The following MBNL1 variants were observed in gnomAD, a reference collection of about 807,000 sequenced individuals.
MBNL1 encodes the protein muscleblind-like protein 1.
MBNL1 carries 8 observed loss-of-function variants against 42.2 expected under a neutral mutation model. That is an observed-to-expected ratio of 0.19 (90% CI 0.11 to 0.34). MBNL1 has a LOEUF of 0.34. Ranked by LOEUF, MBNL1 falls within the 10% of genes least tolerant of loss-of-function variation. MBNL1 has a pLI of 1.00. For synonymous variants in MBNL1, 169 were observed against 173.9 expected (o/e 0.97, Z 0.22); for missense variants, 309 against 495.3 (o/e 0.62, Z 3.57).
intron 4 of MBNL1, among the ~76,000 whole-genome samples, chr3:152,444,192 A>C (rs1368136951): frequency 3.3e-5 from 5 of 152,182 alleles, no homozygotes; most frequent in Non-Finnish European, 7.4e-5. Context: ...AGAGCACGAA[A>C]ATATTAAAAG....
chr3:152,390,577 T>C (rs1307804077), intron 2 of MBNL1, among the ~76,000 whole-genome samples: 1 of 151,482 alleles, frequency 6.6e-6, no homozygotes, highest in African/African-American at 2.4e-5. Context: ...TCATTTATTA[T>C]CATGTATTTT....
intron 2 of MBNL1, among the ~76,000 whole-genome samples, chr3:152,376,781 T>TGCGC (rs1553883802): frequency 6.6e-6 from 1 of 151,990 alleles, no homozygotes; most frequent in African/African-American, 2.4e-5. Context: ...TCTATATATA[T>TGCGC]ACGCACACAC....
At chr3:152,295,008 C>CT (rs2057978309) in intron 1 of MBNL1, among the ~76,000 whole-genome samples, 2 of 152,150 alleles carry the variant, frequency 1.3e-5, no homozygotes, top group Admixed American at 6.5e-5. Context: ...CCACAGTGCC[C>CT]TATATCAAGG....
intron 2 of MBNL1, among the ~76,000 whole-genome samples, chr3:152,337,662 T>A (rs2091266154): frequency 6.6e-6 from 1 of 151,672 alleles, no homozygotes; most frequent in African/African-American, 2.4e-5. Flanking sequence ...ACCAACTAAC[T>A]AAATTAGTTA....
At chr3:152,259,967 T>C (rs1286307522) in intron 2 of MBNL1, among the ~76,000 whole-genome samples, 1 of 152,210 alleles carries the variant, frequency 6.6e-6, no homozygotes, top group Non-Finnish European at 1.5e-5. Context: ...ATTTACTTAG[T>C]TGATCATAAT....
chr3:152,340,400 A>G, intron 2 of MBNL1: 1 of 1,118,116 alleles, frequency 8.9e-7, no homozygotes, highest in Non-Finnish European at 1.3e-6. Context: ...TAAGATTGTA[A>G]TGACAATGAC....
At chr3:152,310,871 T>C (rs2065972660) in intron 2 of MBNL1, among the ~76,000 whole-genome samples, 1 of 152,010 alleles carries the variant, frequency 6.6e-6, no homozygotes, top group African/African-American at 2.4e-5. Context: ...AGATAAAGCT[T>C]GGAATTGAGG....
At chr3:152,278,764 T>C (rs1324695089) in intron 1 of MBNL1, among the ~76,000 whole-genome samples, 1 of 152,156 alleles carries the variant, frequency 6.6e-6, no homozygotes, top group Admixed American at 6.6e-5. Context: ...AATTCATCTT[T>C]TGTGTTTTGC....
Position 152,437,809 on chromosome 3 carries a change from T to C in MBNL1, c.549+4889T>C, listed in dbSNP as rs1580471935. ...TTTTTTTTGACACTAAGTCTCACAC[T>C]GTTGCCCAGGCTGGAGTGCGGTGGC... On this transcript the variant is annotated intron_variant, in intron 4 of 9. Transcript: ENST00000324210. Among the ~76,000 whole-genome samples, 4 of 150,254 alleles carry C rather than the reference T, an allele frequency of 2.7e-5. 1 individual carries two copies. In the South Asian group the frequency reaches 8.4e-4, roughly 32 times the overall value.
At chr3:152,384,141 A>G (rs1400267689) in intron 2 of MBNL1, among the ~76,000 whole-genome samples, 1 of 152,130 alleles carries the variant, frequency 6.6e-6, no homozygotes, top group Non-Finnish European at 1.5e-5. Context: ...AGAAGTTTGT[A>G]ATGTTTTATT....
chr3:152,357,894 G>A (rs2095641264), intron 2 of MBNL1, among the ~76,000 whole-genome samples: 1 of 152,156 alleles, frequency 6.6e-6, no homozygotes, highest in African/African-American at 2.4e-5. Context: ...GACATGGATG[G>A]TGGCAGAGAA....
At position 152,358,008 on chromosome 3, in the gene MBNL1, T is replaced by C. The variant is rs541849702; in HGVS notation, c.175-56933T>C. 7.9e-4 allele frequency among the ~76,000 whole-genome samples: 120 copies of C among 152,126 alleles called. No homozygotes were observed. In the South Asian group the frequency reaches 0.019, roughly 24 times the overall value. On this transcript the variant is annotated intron_variant, in intron 2 of 9. Coordinates refer to ENST00000324210, the MANE Select transcript of MBNL1 (RefSeq NM_021038.5). ...AGTTAGAAGGGTGTGTGTGTGTGTGTGCGCACGCACGTGCGTGTATCTGTG... is the reference window on the plus strand; with the variant it reads ...AGTTAGAAGGGTGTGTGTGTGTGTGCGCGCACGCACGTGCGTGTATCTGTG...
rs369403280 is a variant in MBNL1, at chr3:152,359,438, A to G, written c.175-55503A>G. On this transcript the variant is annotated intron_variant, in intron 2 of 9. Coordinates refer to ENST00000324210, the MANE Select transcript of MBNL1 (RefSeq NM_021038.5). ...GTGGTATCCTGGTAAATGTTTACCA[A>G]CCTGCTCTTATGGGGGTGGGGAAGG... Among the ~76,000 whole-genome samples the G allele has an allele frequency of 3.9e-4, 60 of 152,308 alleles. No individual in the cohort carries two copies. In the South Asian group the frequency reaches 0.012, roughly 31 times the overall value.
intron 8 of MBNL1, among the ~76,000 whole-genome samples, chr3:152,457,379 A>G (rs903067062): frequency 2.6e-5 from 4 of 152,194 alleles, no homozygotes; most frequent in South Asian, 4.1e-4. Flanking sequence ...GAAAATGAAC[A>G]TGTTCCCCCT....
chr3:152,381,890 G>T (rs958364209), intron 2 of MBNL1, among the ~76,000 whole-genome samples: 1 of 152,028 alleles, frequency 6.6e-6, no homozygotes, highest in African/African-American at 2.4e-5. Flanking sequence ...TCAAATAATT[G>T]CTTGATTAAC....
intron 2 of MBNL1, among the ~76,000 whole-genome samples, chr3:152,395,811 C>T (rs1312373632): frequency 3.9e-5 from 6 of 152,172 alleles, no homozygotes; most frequent in South Asian, 4.1e-4. Flanking sequence ...TGTTGCCTAG[C>T]GGGAATGTTC....
At chr3:152,340,382 C>T (rs908344834) in intron 2 of MBNL1, 1 of 912,680 alleles carries the variant, frequency 1.1e-6, no homozygotes. Flanking sequence ...GTATACTTGC[C>T]ACCTCTGTAA....
At chr3:152,425,914 A>C (rs1470423449) in intron 3 of MBNL1, among the ~76,000 whole-genome samples, 1 of 152,264 alleles carries the variant, frequency 6.6e-6, no homozygotes, top group Admixed American at 6.5e-5. Context: ...TTATTGCAGC[A>C]CAATTCACAA....
intron 1 of MBNL1, among the ~76,000 whole-genome samples, chr3:152,296,356 C>T (rs2058527162): frequency 6.6e-6 from 1 of 151,964 alleles, no homozygotes; most frequent in Non-Finnish European, 1.5e-5. Flanking sequence ...AAGGTGGAGG[C>T]TTGTGGAAGC....
Sources: allele counts gnomAD v4.1 joint callset (sites outside exome capture counted in the v4.1 genomes callset), GRCh38; gene constraint gnomAD v4.1.1; transcripts MANE v1.5; gene names NCBI Gene and HGNC (gene_info 2026-07-23, HGNC 2026-07-21).